The following SLC49A3 variants were observed in gnomAD, a reference collection of about 807,000 sequenced individuals.
The protein encoded by SLC49A3 is solute carrier family 49 member 3.
A neutral mutation model predicts 43.8 loss-of-function variants in SLC49A3; 50 were observed. The ratio of observed to expected loss-of-function variants is 1.14; its 90% CI spans 0.91 to 1.45. The LOEUF (loss-of-function observed/expected upper bound fraction) is 1.45, where lower values mean the gene tolerates loss of function less well. Ranked by LOEUF, SLC49A3 falls within the 40% of genes most tolerant of loss-of-function variation. SLC49A3 has a pLI of 0.00. For missense variants in SLC49A3, 906 were observed against 774.1 expected, an observed-to-expected ratio of 1.17 and a Z score of -2.02; for synonymous variants, 413 against 352.0, an observed-to-expected ratio of 1.17 and a Z score of -1.94.
In SLC49A3 at chr4:686,167, T is replaced by C; in HGVS notation, c.430A>G (p.Ile144Val). 1.2e-6 allele frequency: 2 copies of C among 1,613,372 alleles called. No individual in the cohort carries two copies. Among genetic ancestry groups the C allele is most frequent in the Non-Finnish European group, 1.7e-6 (2 of 1,180,004 alleles). The change falls in exon 3 of 10, where the codon ATC becomes GTC. Residue 144 changes from isoleucine (I) to valine (V), a missense_variant. Ile to Val is a conservative substitution (Grantham distance 29). Coordinates refer to ENST00000322224, the MANE Select transcript of SLC49A3 (RefSeq NM_032219.4). ...SLCALAQSLV[I>V]FSPAKLAALW... is the part of the protein sequence containing the mutation. ...GCAGCCAGCTTGGCTGGAGAGAAGA[T>C]GACCAGGCTCTGGGCAAGGGCACAG...
rs757823989 is a variant in SLC49A3, at chr4:683,200, G to A, written c.1151+10C>T. Reference sequence around the variant, plus strand: ...CTCTGGGGTTGCAGCAGGGGCAGATGGACACTCACCCCAGCACAAAGATCA... The same window carrying A: ...CTCTGGGGTTGCAGCAGGGGCAGATAGACACTCACCCCAGCACAAAGATCA... On this transcript the variant is annotated intron_variant, in intron 8 of 9. Transcript: ENST00000322224. 3 of 1,612,676 alleles carry A rather than the reference G, an allele frequency of 1.9e-6. No homozygotes were observed. Among genetic ancestry groups the A allele is most frequent in the Admixed American group, 3.3e-5 (2 of 60,004 alleles).
rs752281669 is a variant in SLC49A3, at chr4:683,204, ACT to A, written c.1151+4_1151+5del. On this transcript the variant is annotated splice_donor_5th_base_variant and intron_variant, in intron 8 of 9. Coordinates refer to ENST00000322224, the MANE Select transcript of SLC49A3 (RefSeq NM_032219.4). ...GGGGTTGCAGCAGGGGCAGATGGACACTCACCCCAGCACAAAGATCATGCCTG... is the reference window on the plus strand; with the variant it reads ...GGGGTTGCAGCAGGGGCAGATGGACACACCCCAGCACAAAGATCATGCCTG... 2.5e-6 allele frequency: 4 copies of A among 1,612,310 alleles called. No individual in the cohort carries two copies. In the South Asian group the frequency reaches 3.3e-5, roughly 13 times the overall value.
At chr4:681,033 AC>A (rs966137225), downstream of SLC49A3, 3 of 1,550,570 alleles carry the variant, frequency 1.9e-6, no homozygotes, top group African/African-American at 4.1e-5. Flanking sequence ...CCTGAGCCCC[AC>A]CGAGAAGGCT....
chr4:686,537 C>A lies in SLC49A3; in HGVS notation c.289G>T (p.Ala97Ser), dbSNP rs1360779657. 6.2e-7 allele frequency: 1 copy of A among 1,612,188 alleles called. No homozygotes were observed. The highest frequency in any genetic ancestry group is 8.5e-7 in the Non-Finnish European group (1 of 1,179,676). Reference protein sequence around the residue: ...IWILDSVGLRAATILGAWLNF... With the variant: ...IWILDSVGLRSATILGAWLNF... ...TGGTGTGGGGTCTGACTCACCGCCG[C>A]ACGGAGCCCGACGGAGTCCAGGATC... is the stretch of plus-strand genomic sequence containing the variant. Residue 97 changes from alanine (A) to serine (S), a missense_variant, in exon 2 of 10, where the codon GCG becomes TCG. Transcript: ENST00000322224.
In SLC49A3 at chr4:685,211, G is replaced by A. The variant is rs914127800; in HGVS notation, c.586-355C>T. 1.6e-5 allele frequency: 6 copies of A among 371,556 alleles called. No individual in the cohort carries two copies. Among genetic ancestry groups the A allele is most frequent in the Admixed American group, 4.7e-5 (1 of 21,470 alleles). 23.0% of individuals were successfully genotyped at this position (371,556 alleles called of 1,614,324 possible). On this transcript the variant is annotated intron_variant, in intron 4 of 9. Coordinates refer to ENST00000322224, the MANE Select transcript of SLC49A3 (RefSeq NM_032219.4). The surrounding 1 kb of genome is among the most constrained non-coding windows in gnomAD (Gnocchi z 4.3). Reference sequence around the variant, plus strand: ...GAGGCACACGTGCATACAGACTCACGCTCAGTACATACCCCCAAGCACAAA... The same window carrying A: ...GAGGCACACGTGCATACAGACTCACACTCAGTACATACCCCCAAGCACAAA...
At chr4:686,471 A>C in intron 2 of SLC49A3, 61 bp downstream of exon 2, 1 of 1,580,512 alleles carries the variant, frequency 6.3e-7, no homozygotes, top group Admixed American at 1.7e-5. Flanking sequence ...TGACTCTCCT[A>C]CCCAAATGCG....
At chr4:686,831 T>C in intron 1 of SLC49A3, 141 bp from the exon 2 acceptor site, 1 of 1,122,564 alleles carries the variant, frequency 8.9e-7, no homozygotes, top group Non-Finnish European at 1.2e-6. Flanking sequence ...GGGGCCTTCC[T>C]GCCCAAGGAG....
At position 685,103 on chromosome 4, in the gene SLC49A3, G is replaced by A. The variant is rs1740720728; in HGVS notation, c.586-247C>T. The A allele has an allele frequency of 3.6e-6, 2 of 549,008 alleles. No individual in the cohort carries two copies. The highest frequency in any genetic ancestry group is 3.2e-6 in the Non-Finnish European group (1 of 314,432). The allele number at this position is 549,008 out of a possible 1,614,324, so 34.0% of individuals were successfully genotyped here. ...CACCCTCCTGGCTGATGTTAGCCCAGCACCCCCAGGCTCCAGACTTACATC... is the reference window on the plus strand; with the variant it reads ...CACCCTCCTGGCTGATGTTAGCCCAACACCCCCAGGCTCCAGACTTACATC... On this transcript the variant is annotated intron_variant, in intron 4 of 9. Coordinates refer to ENST00000322224, the MANE Select transcript of SLC49A3 (RefSeq NM_032219.4). The surrounding 1 kb of genome is among the most constrained non-coding windows in gnomAD (Gnocchi z 4.3).
downstream of SLC49A3, chr4:681,131 G>A (rs1216191645): frequency 1.2e-6 from 2 of 1,606,636 alleles, no homozygotes; most frequent in Admixed American, 1.7e-5. Flanking sequence ...ACAAGATGAC[G>A]GCGGAAGAGG....
downstream of SLC49A3, chr4:681,813 C>G (rs1215449657): frequency 8.0e-7 from 1 of 1,257,332 alleles, no homozygotes; most frequent in Non-Finnish European, 1.0e-6. Context: ...GGCGCAGAAA[C>G]CACACCCGGG....
chr4:680,615 C>T (rs761018299), downstream of SLC49A3: 21 of 1,607,266 alleles, frequency 1.3e-5, no homozygotes, highest in East Asian at 2.2e-5. Context: ...CAGGGCGGCC[C>T]GGCTTCCGGG....
downstream of SLC49A3, chr4:678,628 G>A: frequency 6.3e-7 from 1 of 1,584,774 alleles, no homozygotes; most frequent in Non-Finnish European, 8.6e-7. Context: ...AGCCAGCCCA[G>A]GACCCTCAGC....
At chr4:679,419 C>T (rs114568854), downstream of SLC49A3, among the ~76,000 whole-genome samples, 1,535 of 152,314 alleles carry the variant, frequency 0.01, 28 homozygotes, top group African/African-American at 0.035. Flanking sequence ...TGACAGAGGG[C>T]GTGGAGACGC....
chr4:680,689 C>T, downstream of SLC49A3: 4 of 1,220,200 alleles, frequency 3.3e-6, no homozygotes, highest in South Asian at 2.6e-5. Flanking sequence ...ACGCCCACCT[C>T]CCCACCTCTG....
intron 2 of SLC49A3, 51 bp from the exon 3 acceptor site, chr4:686,353 G>A (rs771935856): frequency 5.3e-5 from 85 of 1,591,768 alleles, no homozygotes; most frequent in Non-Finnish European, 7.1e-5. Context: ...ACCAGCCCAA[G>A]TGCCTGCCCC....
At position 681,865 on chromosome 4, in the gene SLC49A3, C is replaced by A. The variant is rs1349113803; in HGVS notation, c.*93G>T. 7.6e-7 allele frequency: 1 copy of A among 1,309,238 alleles called. No individual in the cohort carries two copies. The highest frequency in any genetic ancestry group is 9.8e-7 in the Non-Finnish European group (1 of 1,020,548). The allele number at this position is 1,309,238 out of a possible 1,614,324, so 81.1% of individuals were successfully genotyped here. On this transcript the variant is annotated 3_prime_UTR_variant, in exon 10 of 10. Coordinates refer to ENST00000322224, the MANE Select transcript of SLC49A3 (RefSeq NM_032219.4). ...GCTTGTAATTCGCTCCCGGAGCCCG[C>A]AAGGAGCCCTTTCGCCCCCGCCCGC...
At chr4:678,090 TG>T, downstream of SLC49A3, 1 of 1,600,678 alleles carries the variant, frequency 6.2e-7, no homozygotes, top group Non-Finnish European at 8.5e-7. Context: ...GCTGTGCATG[TG>T]TACATGCGCA....
At chr4:680,033 G>C (rs1454179554), downstream of SLC49A3, 2 of 1,590,804 alleles carry the variant, frequency 1.3e-6, no homozygotes, top group African/African-American at 2.7e-5. Flanking sequence ...GCACCGGTGG[G>C]GCAGGCCTGG....
chr4:678,772 C>G (rs946791344), downstream of SLC49A3: 75 of 1,608,718 alleles, frequency 4.7e-5, no homozygotes, highest in Non-Finnish European at 5.9e-5. Context: ...GGAGGTGAGA[C>G]TTTCCTGCTT....
Sources: gnomAD v4.1 joint callset for allele counts (sites outside exome capture counted in the v4.1 genomes callset) on GRCh38, gnomAD v4.1.1 for gene constraint, Gnocchi (gnomAD v3.1) non-coding constraint, MANE v1.5 for transcripts, NCBI Gene and HGNC (gene_info 2026-07-23, HGNC 2026-07-21) for gene names.